The following SLC4A4 variants were observed in gnomAD, a reference collection of about 807,000 sequenced individuals.
SLC4A4 encodes the protein electrogenic sodium bicarbonate cotransporter 1.
SLC4A4 carries 27 observed loss-of-function variants against 111.5 expected under a neutral mutation model. That is an observed-to-expected ratio of 0.24 (90% CI 0.18 to 0.33). The LOEUF is 0.33. Among genes scored for constraint, SLC4A4 ranks in the 10% least tolerant of loss-of-function variants. SLC4A4 has a pLI of 1.00. For synonymous variants in SLC4A4, 443 were observed against 463.4 expected, an observed-to-expected ratio of 0.96 and a Z score of 0.57; for missense variants, 909 against 1,315.5, an observed-to-expected ratio of 0.69 and a Z score of 4.78.
At chr4:71,517,185 C>G (rs993640822) in intron 16 of SLC4A4, among the ~76,000 whole-genome samples, 1 of 152,018 alleles carries the variant, frequency 6.6e-6, no homozygotes, top group Non-Finnish European at 1.5e-5. Flanking sequence ...AAACTTCCTA[C>G]CCCTTTGTCT....
chr4:71,193,049 C>T (rs1013378197), intron 1 of SLC4A4, among the ~76,000 whole-genome samples: 2 of 152,172 alleles, frequency 1.3e-5, no homozygotes, highest in African/African-American at 2.4e-5. Flanking sequence ...CATAGTGTTC[C>T]ACTTTAGAAG....
chr4:71,073,738 C>A (rs1179931279), intron 1 of SLC4A4, among the ~76,000 whole-genome samples: 1 of 151,874 alleles, frequency 6.6e-6, no homozygotes, highest in Non-Finnish European at 1.5e-5. Context: ...ACAGTACCTG[C>A]ACATAAAAAA....
At chr4:71,290,200 C>T (rs569171017) in intron 3 of SLC4A4, among the ~76,000 whole-genome samples, 4 of 152,058 alleles carry the variant, frequency 2.6e-5, no homozygotes, top group African/African-American at 4.8e-5. Flanking sequence ...TCTTGGCCAT[C>T]GACTTTGGAG....
intron 2 of SLC4A4, among the ~76,000 whole-genome samples, chr4:71,164,929 G>A (rs1744703460): frequency 6.6e-6 from 1 of 152,194 alleles, no homozygotes; most frequent in Non-Finnish European, 1.5e-5. Context: ...AGACATTTAT[G>A]TGGCCAACAA....
intron 7 of SLC4A4, among the ~76,000 whole-genome samples, chr4:71,424,433 C>T (rs958955602): frequency 2.0e-4 from 30 of 151,722 alleles, no homozygotes; most frequent in African/African-American, 6.0e-4. Context: ...GTCAGTGTGG[C>T]GATTCCTCAG....
chr4:71,323,214 T>C (rs1236885998), intron 3 of SLC4A4, among the ~76,000 whole-genome samples: 1 of 151,982 alleles, frequency 6.6e-6, no homozygotes, highest in Non-Finnish European at 1.5e-5. Context: ...AATTTAGAAC[T>C]TGCACATAAA....
intron 7 of SLC4A4, among the ~76,000 whole-genome samples, chr4:71,429,312 A>G (rs1723437211): frequency 6.6e-6 from 1 of 152,134 alleles, no homozygotes; most frequent in Non-Finnish European, 1.5e-5. Context: ...TGTATGAATA[A>G]CTTTTCCATC....
At chr4:71,116,325 G>GAGAT (rs1743248713) in intron 2 of SLC4A4, among the ~76,000 whole-genome samples, 1 of 152,168 alleles carries the variant, frequency 6.6e-6, no homozygotes, top group Non-Finnish European at 1.5e-5. Context: ...AGTCCAGTTG[G>GAGAT]AGATTGTTTT....
intron 2 of SLC4A4, among the ~76,000 whole-genome samples, chr4:71,166,347 A>G (rs1013957861): frequency 7.2e-5 from 11 of 152,232 alleles, no homozygotes; most frequent in African/African-American, 1.4e-4. Flanking sequence ...GTTGCATTAA[A>G]ACAGTTTTCA....
At chr4:71,344,151 T>G (rs1175736459) in intron 4 of SLC4A4, among the ~76,000 whole-genome samples, 1 of 152,154 alleles carries the variant, frequency 6.6e-6, no homozygotes, top group Non-Finnish European at 1.5e-5. Context: ...AATTTTCAGT[T>G]GTTTTGCCAC....
chr4:71,091,884 C>CT (rs746347652), intron 1 of SLC4A4, among the ~76,000 whole-genome samples: 1 of 152,098 alleles, frequency 6.6e-6, no homozygotes, highest in East Asian at 1.9e-4. Context: ...TGCGTTTGTT[C>CT]TTTTTTACTG....
intron 3 of SLC4A4, among the ~76,000 whole-genome samples, chr4:71,307,753 T>G (rs987364293): frequency 2.0e-5 from 3 of 152,310 alleles, no homozygotes; most frequent in East Asian, 3.9e-4. Context: ...AGTACACCTT[T>G]GAAACAAGGT....
Position 71,538,247 on chromosome 4 carries a change from A to G in SLC4A4, c.2442+3859A>G, listed in dbSNP as rs571038756. Among the ~76,000 whole-genome samples, 54 of 152,238 alleles carry G rather than the reference A, an allele frequency of 3.5e-4. No individual in the cohort carries two copies. The South Asian group carries it at 0.01, about 29-fold the overall frequency. ...CTTATTGATAAAATTCAGAATTTAG[A>G]ATTTCGGAAGTTTAGGAATGATAAA... On this transcript the variant is annotated intron_variant, in intron 18 of 25. Transcript: ENST00000264485.
chr4:71,205,122 G>GCC (rs370824980), intron 1 of SLC4A4, among the ~76,000 whole-genome samples: 14 of 152,270 alleles, frequency 9.2e-5, no homozygotes, highest in African/African-American at 3.4e-4. Context: ...TGTTTGTGTT[G>GCC]CCAGCGTCAG....
At position 71,353,527 on chromosome 4, in the gene SLC4A4, C is replaced by T. The variant is rs73826281; in HGVS notation, c.550+3455C>T. Among the ~76,000 whole-genome samples the T allele has an allele frequency of 7.8e-3, 1,185 of 152,276 alleles. 16 individuals carry two copies. The highest frequency in any genetic ancestry group is 0.025 in the African/African-American group (1,026 of 41,550). On this transcript the variant is annotated intron_variant, in intron 5 of 25. Transcript: ENST00000264485. ...AACCCTACAGAGGATAAAACATGAA[C>T]GAAACAGAGCCCTTATTTCATCTAA... is the stretch of plus-strand genomic sequence containing the variant.
intron 3 of SLC4A4, among the ~76,000 whole-genome samples, chr4:71,262,463 G>A (rs754538335): frequency 2.0e-5 from 3 of 152,100 alleles, no homozygotes; most frequent in South Asian, 2.1e-4. Flanking sequence ...GAGGTGTTGC[G>A]AGCAAGGAGT....
chr4:71,537,958 C>G (rs539481121), intron 18 of SLC4A4, among the ~76,000 whole-genome samples: 86 of 152,084 alleles, frequency 5.7e-4, no homozygotes, highest in Non-Finnish European at 9.9e-4. Flanking sequence ...TTTTTTGTAT[C>G]CAATTGTTCC....
chr4:71,549,734 T>C (rs1453478), intron 20 of SLC4A4, among the ~76,000 whole-genome samples: 146,413 of 151,880 alleles, frequency 0.96, 70,832 homozygotes, highest in Middle Eastern at 1. Context: ...ACACAGAGAA[T>C]AGATACTGTA....
upstream of SLC4A4, chr4:71,186,932 C>G (rs962259928): frequency 2.0e-5 from 3 of 152,368 alleles, no homozygotes; most frequent in Non-Finnish European, 4.4e-5. Flanking sequence ...TAGACGCCCG[C>G]GCTCTTACAC....
Sources: gnomAD v4.1 joint callset for allele counts (sites outside exome capture counted in the v4.1 genomes callset) on GRCh38, gnomAD v4.1.1 for gene constraint, MANE v1.5 for transcripts, NCBI Gene and HGNC (gene_info 2026-07-23, HGNC 2026-07-21) for gene names.